The following HTT variants were observed in gnomAD, a reference collection of about 807,000 sequenced individuals.
HTT encodes huntington disease protein.
Under a neutral mutation model 362.3 loss-of-function variants are expected in HTT, and 104 were observed. That is an observed-to-expected ratio of 0.29 (90% CI 0.24 to 0.34). The LOEUF (loss-of-function observed/expected upper bound fraction) is 0.34, where lower values mean the gene tolerates loss of function less well. HTT is among the 10% of genes least tolerant of loss of function. HTT has a pLI of 1.00. For missense variants in HTT, 3,301 were observed against 3,928.6 expected, an observed-to-expected ratio of 0.84 and a Z score of 4.27; for synonymous variants, 1,577 against 1,548.7, an observed-to-expected ratio of 1.02 and a Z score of -0.43.
rs775270490 is a variant in HTT, at chr4:3,209,961, G to C, written c.6414+12G>C. 3.1e-6 allele frequency: 5 copies of C among 1,612,694 alleles called. No homozygotes were observed. Among genetic ancestry groups the C allele is most frequent in the Non-Finnish European group, 2.5e-6 (3 of 1,179,170 alleles). On this transcript the variant is annotated intron_variant, in intron 47 of 66. Coordinates refer to ENST00000355072, the MANE Select transcript of HTT (RefSeq NM_001388492.1). ...TCATGATGAACTCGGTACGGGGGGA[G>C]CAGTGGAGGCAAGGAATCCTCAGCT...
rs1475429505 is a variant in HTT, at chr4:3,173,126, C to T, written c.4161C>T (p.Thr1387=). 1.2e-6 allele frequency: 2 copies of T among 1,613,100 alleles called. No individual in the cohort carries two copies. The highest frequency in any genetic ancestry group is 1.7e-5 in the Admixed American group (1 of 60,028). ...TGCAGGCGGAGCAGGAGAACGACAC[C>T]TCGGGGTAACAGTTGTGGCAAGAAT... is the stretch of plus-strand genomic sequence containing the variant. ...NMVQAEQEND[T]SGWFDVLQKV... is the part of the protein sequence containing the mutation. Residue 1387 remains threonine, a synonymous_variant, in exon 31 of 67, where the codon ACC becomes ACT. Transcript: ENST00000355072.
rs146151652 is a variant in HTT at position 3,074,723 on chromosome 4, C to T, written c.-103C>T. 0.027 allele frequency: 34,609 copies of T among 1,288,384 alleles called. 613 individuals are homozygous for T. The highest frequency in any genetic ancestry group is 0.032 in the Non-Finnish European group (30,508 of 962,334). 79.8% of individuals were successfully genotyped at this position (1,288,384 alleles called of 1,614,324 possible). ...AAGATGGACGGCCGCTCAGGTTCTG[C>T]TTTTACCTGCGGCCCAGAGCCCCAT... On this transcript the variant is annotated 5_prime_UTR_variant, in exon 1 of 67. Transcript: ENST00000355072.
intron 1 of HTT, 129 bp from the exon 2 acceptor site, chr4:3,086,810 C>T (rs548978929): frequency 4.7e-5 from 26 of 557,440 alleles, no homozygotes; most frequent in African/African-American, 7.5e-5. Context: ...CCATTCTGCC[C>T]GCAACATGGA....
chr4:3,207,029 G>A (rs1390422254), intron 44 of HTT, 46 bp downstream of exon 44: 3 of 1,540,978 alleles, frequency 1.9e-6, no homozygotes, highest in East Asian at 4.6e-5. Context: ...TGAAAATTTA[G>A]CAGGCCAAGC....
rs1030395049 is a variant in HTT at position 3,228,059 on chromosome 4, G to C, written c.7849-556G>C. On this transcript the variant is annotated intron_variant, in intron 57 of 66. Transcript: ENST00000355072. The surrounding 1 kb of genome is among the most constrained non-coding windows in gnomAD (Gnocchi z 4.3). ...GTGAGTTGGGGCTAGTGCCAGTGAT[G>C]ATGGAGAACAGCTTTTTATGGGCAC... Among the ~76,000 whole-genome samples, 1 of 152,192 alleles carries C rather than the reference G, an allele frequency of 6.6e-6. No homozygotes were observed. Among genetic ancestry groups the C allele is most frequent in the Non-Finnish European group, 1.5e-5 (1 of 68,022 alleles).
chr4:3,088,318 C>T (rs1293497706), intron 2 of HTT, among the ~76,000 whole-genome samples: 3 of 151,902 alleles, frequency 2.0e-5, no homozygotes, highest in Non-Finnish European at 4.4e-5. Context: ...TGGCGAGTAG[C>T]TGGGACTACA....
intron 3 of HTT, 127 bp from the exon 4 acceptor site, chr4:3,103,697 T>C (rs1043647632): frequency 3.1e-6 from 2 of 653,694 alleles, no homozygotes; most frequent in African/African-American, 1.8e-5. Flanking sequence ...TCTTAATGAA[T>C]ATATTCTTAA....
chr4:3,215,086 C>G lies in HTT; in HGVS notation c.6953-24C>G, dbSNP rs778028639. 3.2e-6 allele frequency: 5 copies of G among 1,564,484 alleles called. 1 individual carries two copies. In the South Asian group the frequency reaches 5.6e-5, roughly 18 times the overall value. ...CTGATGGAAGTGTGTAGAAATTCTT[C>G]TCTTTGTTCTGTTGTAATTTTAGTT... On this transcript the variant is annotated intron_variant, in intron 50 of 66. Transcript: ENST00000355072.
In HTT at chr4:3,211,955, A is replaced by G. The variant is rs1168652339; in HGVS notation, c.6441A>G (p.Pro2147=). 2 of 1,614,150 alleles carry G rather than the reference A, an allele frequency of 1.2e-6. No homozygotes were observed. Among genetic ancestry groups the G allele is most frequent in the Non-Finnish European group, 1.7e-6 (2 of 1,180,002 alleles). Residue 2147 remains proline, a synonymous_variant, in exon 48 of 67, where the codon CCA becomes CCG. Transcript: ENST00000355072. ...NSEFNLSLLA[P]CLSLGMSEIS... ...AGTTCAACCTAAGCCTGCTAGCTCC[A>G]TGCTTAAGCCTAGGGATGAGTGAAA...
intron 64 of HTT, among the ~76,000 whole-genome samples, chr4:3,236,873 T>C (rs540318224): frequency 6.6e-6 from 1 of 152,136 alleles, no homozygotes; most frequent in Admixed American, 6.5e-5. Context: ...CCTGATTTGC[T>C]CTCAGGCCTC....
rs363109 is a variant in HTT at position 3,207,498 on chromosome 4, C to T, written c.6152+141C>T. The T allele has an allele frequency of 7.2e-3, 4,752 of 662,732 alleles. 120 individuals are homozygous for T. Among genetic ancestry groups the T allele is most frequent in the African/African-American group, 0.064 (3,557 of 55,370 alleles). 41.1% of individuals were successfully genotyped at this position (662,732 alleles called of 1,614,324 possible). ...TTACTGCAGAAGTGCCATAATAGAA[C>T]CTTCCTACTTTTAAAACAACCAGAT... is the stretch of plus-strand genomic sequence containing the variant. On this transcript the variant is annotated intron_variant, in intron 45 of 66. Coordinates refer to ENST00000355072, the MANE Select transcript of HTT (RefSeq NM_001388492.1).
At chr4:3,103,310 C>T (rs983049290) in intron 3 of HTT, among the ~76,000 whole-genome samples, 2 of 149,258 alleles carry the variant, frequency 1.3e-5, no homozygotes, top group South Asian at 2.1e-4. Flanking sequence ...CTGCAACCTC[C>T]GCCTCCCGGG....
At chr4:3,105,776 T>G (rs928105482) in intron 5 of HTT, among the ~76,000 whole-genome samples, 2 of 152,180 alleles carry the variant, frequency 1.3e-5, no homozygotes, top group Non-Finnish European at 2.9e-5. Flanking sequence ...CTTGCCAAAT[T>G]GTTGAAGGTT....
At position 3,148,121 on chromosome 4, in the gene HTT, G is replaced by C; in HGVS notation, c.3412G>C (p.Val1138Leu). ...ALGDRALVPM[V>L]EQLFSHLLKV... ...GGGGGACCGGGCCCTGGTGCCCATG[G>C]TGGAGCAGCTCTTCTCTCACCTGCT... The change falls in exon 26 of 67, where the codon GTG becomes CTG. Residue 1138 changes from valine (V) to leucine (L), a missense_variant. Val to Leu is a conservative substitution (Grantham distance 32). Coordinates refer to ENST00000355072, the MANE Select transcript of HTT (RefSeq NM_001388492.1). 1 of 1,614,038 alleles carries C rather than the reference G, an allele frequency of 6.2e-7. No homozygotes were observed. Among genetic ancestry groups the C allele is most frequent in the South Asian group, 1.1e-5 (1 of 91,068 alleles).
chr4:3,165,932 C>G (rs1376218612), intron 29 of HTT, among the ~76,000 whole-genome samples: 3 of 152,108 alleles, frequency 2.0e-5, no homozygotes, highest in Non-Finnish European at 4.4e-5. Flanking sequence ...AACTCATTCT[C>G]CATCCAGTTT....
At chr4:3,219,188 G>C (rs1244471871) in intron 52 of HTT, among the ~76,000 whole-genome samples, 1 of 152,166 alleles carries the variant, frequency 6.6e-6, no homozygotes, top group Non-Finnish European at 1.5e-5. Context: ...TTGCTGCATG[G>C]GGTTGCTCTC....
chr4:3,159,122 T>C (rs1053061234), intron 28 of HTT, among the ~76,000 whole-genome samples: 22 of 152,180 alleles, frequency 1.4e-4, no homozygotes, highest in Non-Finnish European at 2.6e-4. Context: ...TTCTGCTGAG[T>C]TGCTCAGCGT....
At chr4:3,147,013 GGGTGGT>G (rs1716635823) in intron 25 of HTT, 65 bp downstream of exon 25, 2 of 1,508,748 alleles carry the variant, frequency 1.3e-6, no homozygotes, top group African/African-American at 2.7e-5. Context: ...GGGGGAATGG[GGGTGGT>G]GAGCATATGA....
chr4:3,210,047 C>T, intron 47 of HTT, 98 bp downstream of exon 47: 10 of 1,457,592 alleles, frequency 6.9e-6, no homozygotes, highest in Non-Finnish European at 9.4e-6. Flanking sequence ...GTTGACAACA[C>T]ATGTTGGGGA....
Sources: gnomAD v4.1 joint callset for allele counts (sites outside exome capture counted in the v4.1 genomes callset) on GRCh38, gnomAD v4.1.1 for gene constraint, Gnocchi (gnomAD v3.1) non-coding constraint, MANE v1.5 for transcripts, NCBI Gene and HGNC (gene_info 2026-07-23, HGNC 2026-07-21) for gene names.